Variants in CDC42BPA observed in about 807,000 individuals in gnomAD.
CDC42BPA encodes serine/threonine-protein kinase MRCK alpha.
Under a neutral mutation model 223.5 loss-of-function variants are expected in CDC42BPA, and 80 were observed. The observed-to-expected ratio is 0.36, with a 90% CI of 0.30 to 0.43. The LOEUF (loss-of-function observed/expected upper bound fraction) is 0.43, where lower values mean the gene tolerates loss of function less well. CDC42BPA is among the 20% of genes least tolerant of loss of function. CDC42BPA has a pLI of 1.00. For synonymous variants in CDC42BPA, 694 were observed against 718.6 expected (o/e 0.97, Z 0.55); for missense variants, 1,743 against 2,099.9 (o/e 0.83, Z 3.32).
At chr1:227,193,063 C>CTTTTTTT (rs1160548241) in intron 5 of CDC42BPA, among the ~76,000 whole-genome samples, 9 of 117,032 alleles carry the variant, frequency 7.7e-5, no homozygotes, top group African/African-American at 1.4e-4. Context: ...GAAGTGAGAA[C>CTTTTTTT]TTTTTTTTTT....
chr1:227,022,733 A>G (rs1667617931), intron 32 of CDC42BPA, among the ~76,000 whole-genome samples: 1 of 152,142 alleles, frequency 6.6e-6, no homozygotes, highest in South Asian at 2.1e-4. Flanking sequence ...GTCACTGACC[A>G]AATATCCTCC....
intron 14 of CDC42BPA, 44 bp downstream of exon 14, chr1:227,112,263 AAAGAG>A (rs1687059712): frequency 3.5e-6 from 4 of 1,145,680 alleles, no homozygotes; most frequent in Non-Finnish European, 5.1e-6. Context: ...TAACAAGCCT[AAAGAG>A]AAGAAAATCA....
At chr1:227,156,150 T>TATG (rs1354532994) in intron 6 of CDC42BPA, among the ~76,000 whole-genome samples, 2 of 105,952 alleles carry the variant, frequency 1.9e-5, no homozygotes, top group Non-Finnish European at 4.2e-5. Flanking sequence ...TATTTTTATT[T>TATG]TTTATTTATT....
rs148655481 is a variant in CDC42BPA, at chr1:227,272,079, CTTTG to C, written c.179-17928_179-17925del. The stretch of plus-strand genomic sequence containing the variant: ...AAAAGTGAAAAGCAAAGTTTGGCCA[CTTTG>C]TTTATCTTTTTAAAAGTTCTTCCAA... On this transcript the variant is annotated intron_variant, in intron 1 of 36. Transcript: ENST00000366766. Among the ~76,000 whole-genome samples the C allele has an allele frequency of 2.6e-3, 393 of 152,188 alleles. 8 individuals carry two copies. The East Asian group carries it at 0.047, about 18-fold the overall frequency.
In CDC42BPA at chr1:227,218,378, T is replaced by C. The variant is rs117761772; in HGVS notation, c.271-5159A>G. 1.9e-3 allele frequency among the ~76,000 whole-genome samples: 286 copies of C among 152,292 alleles called. 9 individuals carry two copies. In the East Asian group the frequency reaches 0.046, roughly 25 times the overall value. ...TTCACCTTTTAATTTCCCCTACATA[T>C]CATCTACTATCATTTATGATTAATA... On this transcript the variant is annotated intron_variant, in intron 2 of 36. Transcript: ENST00000366766.
chr1:227,137,050 G>A (rs1461453682), intron 10 of CDC42BPA, among the ~76,000 whole-genome samples: 3 of 152,060 alleles, frequency 2.0e-5, no homozygotes, highest in Admixed American at 1.3e-4. Flanking sequence ...TGGAGTAAAA[G>A]TGTATTAAAA....
chr1:227,127,096 T>C (rs1252620233), intron 11 of CDC42BPA, among the ~76,000 whole-genome samples: 1 of 152,052 alleles, frequency 6.6e-6, no homozygotes, highest in Non-Finnish European at 1.5e-5. Flanking sequence ...AATAAACATA[T>C]AAAAATCAAC....
At chr1:227,165,612 C>A (rs571509348) in intron 5 of CDC42BPA, among the ~76,000 whole-genome samples, 10 of 151,932 alleles carry the variant, frequency 6.6e-5, no homozygotes, top group African/African-American at 2.4e-4. Flanking sequence ...CCAAGAAGAT[C>A]AAAAATAGTG....
At chr1:227,293,615 C>T (rs1450293798) in intron 1 of CDC42BPA, among the ~76,000 whole-genome samples, 4 of 150,566 alleles carry the variant, frequency 2.7e-5, no homozygotes, top group Admixed American at 6.7e-5. Context: ...CACCTGAGGT[C>T]GGGAGTTTGA....
chr1:227,073,697 C>T (rs543637624), intron 19 of CDC42BPA, among the ~76,000 whole-genome samples, 167 bp downstream of exon 19: 18 of 152,258 alleles, frequency 1.2e-4, no homozygotes, highest in Middle Eastern at 3.4e-3. Flanking sequence ...AAAACCTCAT[C>T]ACTATCTACA....
Position 226,991,862 on chromosome 1 carries a change from A to C in CDC42BPA, c.*2406T>G, listed in dbSNP as rs1660775575. The stretch of plus-strand genomic sequence containing the variant: ...TGTCAAAGCTACAAACTAATGGCTT[A>C]TGTCAAGTCCTGTTAATCTCGGCTT... On this transcript the variant is annotated 3_prime_UTR_variant, in exon 37 of 37. Coordinates refer to ENST00000366766, the MANE Select transcript of CDC42BPA (RefSeq NM_001394014.1). 3 of 150,298 alleles carry C rather than the reference A, an allele frequency of 2.0e-5. No individual in the cohort carries two copies. Among genetic ancestry groups the C allele is most frequent in the Admixed American group, 6.7e-5 (1 of 14,902 alleles). 9.3% of individuals were successfully genotyped at this position (150,298 alleles called of 1,614,324 possible).
chr1:227,041,211 A>C (rs1398219903), intron 23 of CDC42BPA, among the ~76,000 whole-genome samples: 1 of 152,176 alleles, frequency 6.6e-6, no homozygotes, highest in African/African-American at 2.4e-5. Context: ...TGAGTATATT[A>C]TATGATGCTG....
intron 1 of CDC42BPA, among the ~76,000 whole-genome samples, chr1:227,313,916 T>C (rs1693950462): frequency 6.6e-6 from 1 of 152,142 alleles, no homozygotes; most frequent in South Asian, 2.1e-4. Context: ...AGTGATAATT[T>C]CTGTATGTTA....
rs559929808 is a variant in CDC42BPA at position 227,029,818 on chromosome 1, T to A, written c.3839-568A>T. 2.0e-5 allele frequency among the ~76,000 whole-genome samples: 3 copies of A among 152,278 alleles called. No homozygotes were observed. The South Asian group carries it at 6.2e-4, about 32-fold the overall frequency. On this transcript the variant is annotated intron_variant, in intron 29 of 36. Transcript: ENST00000366766. ...AATGTGAAAATCAAGTTGTATATAT[T>A]TTTTTTCATGTTCCATCTTTAGAAA...
At chr1:227,023,538 T>C (rs1489801386) in intron 31 of CDC42BPA, among the ~76,000 whole-genome samples, 191 bp from the exon 32 acceptor site, 3 of 152,090 alleles carry the variant, frequency 2.0e-5, no homozygotes, top group African/African-American at 7.2e-5. Context: ...ACAAACAAAC[T>C]TGCAATGATA....
Position 227,317,183 on chromosome 1 carries a change from G to T in CDC42BPA, c.-1C>A, listed in dbSNP as rs377315067. ...GCCTCAAACGCACTTCTCCAGACAT[G>T]TTTGCTTCGATTTCTGCTGGTTTTC... On this transcript the variant is annotated 5_prime_UTR_variant, in exon 1 of 37. Coordinates refer to ENST00000366766, the MANE Select transcript of CDC42BPA (RefSeq NM_001394014.1). 261 of 1,597,022 alleles carry T rather than the reference G, an allele frequency of 1.6e-4. No individual in the cohort carries two copies. The highest frequency in any genetic ancestry group is 2.1e-4 in the Non-Finnish European group (243 of 1,173,310).
intron 3 of CDC42BPA, among the ~76,000 whole-genome samples, chr1:227,207,774 A>G (rs2150315731): frequency 7.0e-6 from 1 of 142,192 alleles, no homozygotes; most frequent in South Asian, 2.4e-4. Flanking sequence ...ATTGTTGGAC[A>G]TCTGGGTTGG....
intron 11 of CDC42BPA, among the ~76,000 whole-genome samples, chr1:227,123,328 G>A (rs1688997840): frequency 6.6e-6 from 1 of 152,128 alleles, no homozygotes; most frequent in African/African-American, 2.4e-5. Flanking sequence ...CTACGAAACT[G>A]GGTTAGCTGA....
Position 227,145,419 on chromosome 1 carries a change from CA to C in CDC42BPA, c.1143+69del, listed in dbSNP as rs552853736. On this transcript the variant is annotated intron_variant, in intron 8 of 36. Transcript: ENST00000366766. Reference sequence around the variant, plus strand: ...TCATCCTAGCAAAATACTTATAAACCAAAAAATTACTATATAACCATAGTAG... The same window carrying C: ...TCATCCTAGCAAAATACTTATAAACCAAAAATTACTATATAACCATAGTAG... 1.4e-3 allele frequency: 1,932 copies of C among 1,409,338 alleles called. 5 individuals are homozygous for C. The highest frequency in any genetic ancestry group is 1.6e-3 in the Non-Finnish European group (1,617 of 1,040,262). The allele number at this position is 1,409,338 out of a possible 1,614,324, so 87.3% of individuals were successfully genotyped here. A position where few individuals can be genotyped will look rare whatever the true frequency, so the allele number is the denominator to read the frequency against.
Sources: gnomAD v4.1 joint callset for allele counts (sites outside exome capture counted in the v4.1 genomes callset) on GRCh38, gnomAD v4.1.1 for gene constraint, MANE v1.5 for transcripts, NCBI Gene and HGNC (gene_info 2026-07-23, HGNC 2026-07-21) for gene names.